Variants in SCP2 observed in about 807,000 individuals in gnomAD.
The protein encoded by SCP2 is sterol carrier protein 2, also known as SCP-2/3-oxoacyl-CoA thiolase.
Under a neutral mutation model 71.4 loss-of-function variants are expected in SCP2, and 48 were observed. The ratio of observed to expected loss-of-function variants is 0.67; its 90% CI spans 0.53 to 0.86. The LOEUF (loss-of-function observed/expected upper bound fraction) is 0.86. SCP2 is among the 40% of genes least tolerant of loss of function. The pLI is 0.00. For synonymous variants in SCP2, 220 were observed against 218.1 expected (o/e 1.01, Z -0.08); for missense variants, 560 against 655.6 (o/e 0.85, Z 1.59).
chr1:53,027,828 T>A, intron 12 of SCP2, 141 bp from the exon 13 acceptor site: 1 of 615,690 alleles, frequency 1.6e-6, no homozygotes, highest in Non-Finnish European at 3.0e-6. Flanking sequence ...TTTATATGCT[T>A]ACTAAAGATT....
At position 52,952,107 on chromosome 1, in the gene SCP2, T is replaced by G. The variant is rs79688530; in HGVS notation, c.331+1221T>G. ...TTTTTATCACCACAGAAAGAAACCC[T>G]GTACCCATTAGCATTCATTCTCTAT... On this transcript the variant is annotated intron_variant, in intron 4 of 15. Transcript: ENST00000371514. Among the ~76,000 whole-genome samples the G allele has an allele frequency of 1.1e-3, 169 of 152,234 alleles. 3 individuals are homozygous for G. In the East Asian group the frequency reaches 0.03, roughly 27 times the overall value.
At chr1:53,046,307 T>C (rs1010828611) in intron 14 of SCP2, among the ~76,000 whole-genome samples, 3 of 151,892 alleles carry the variant, frequency 2.0e-5, no homozygotes, top group African/African-American at 4.8e-5. Flanking sequence ...TTGTTTCCCA[T>C]CCTCACTAAC....
At chr1:52,953,056 C>CT (rs1655459146) in intron 4 of SCP2, among the ~76,000 whole-genome samples, 1 of 129,282 alleles carries the variant, frequency 7.7e-6, no homozygotes, top group African/African-American at 3.0e-5. Context: ...TGTGGCAATT[C>CT]TGTCTTTTTT....
intron 2 of SCP2, among the ~76,000 whole-genome samples, chr1:52,945,709 A>C (rs1244105887): frequency 6.6e-6 from 1 of 150,884 alleles, no homozygotes; most frequent in South Asian, 2.1e-4. Context: ...TCTCAAAAAA[A>C]AAATTGTTTG....
At chr1:52,957,159 C>T (rs891622389) in intron 5 of SCP2, among the ~76,000 whole-genome samples, 6 of 152,104 alleles carry the variant, frequency 3.9e-5, no homozygotes, top group African/African-American at 1.2e-4. Flanking sequence ...CTACCCACCT[C>T]GGCCTCCCAA....
intron 12 of SCP2, among the ~76,000 whole-genome samples, chr1:53,021,065 G>A (rs80146700): frequency 0.14 from 20,791 of 151,776 alleles, 2,023 homozygotes; most frequent in East Asian, 0.32. Flanking sequence ...GATTGCAGTG[G>A]TGTTATCTTG....
intron 12 of SCP2, among the ~76,000 whole-genome samples, chr1:53,027,573 C>T (rs772560547): frequency 6.6e-6 from 1 of 152,120 alleles, no homozygotes; most frequent in South Asian, 2.1e-4. Context: ...GGTGCCATCT[C>T]GGCTCACTGC....
chr1:52,983,524 T>A (rs1658709798), intron 10 of SCP2, among the ~76,000 whole-genome samples: 1 of 152,224 alleles, frequency 6.6e-6, no homozygotes. Flanking sequence ...TTCTCTCTGT[T>A]CTTCACATTT....
intron 5 of SCP2, among the ~76,000 whole-genome samples, chr1:52,960,822 G>A (rs1262471815): frequency 3.4e-5 from 5 of 148,948 alleles, no homozygotes; most frequent in African/African-American, 1.2e-4. Context: ...GTGTGATCTC[G>A]GCTCACTGCA....
intron 6 of SCP2, among the ~76,000 whole-genome samples, chr1:52,964,894 G>A (rs925953656): frequency 1.3e-5 from 2 of 151,988 alleles, no homozygotes; most frequent in Admixed American, 1.3e-4. Flanking sequence ...CACACCTGTA[G>A]TCCCAGCTAC....
chr1:53,029,082 CTGT>C (rs1353810283), intron 13 of SCP2, among the ~76,000 whole-genome samples: 1 of 151,864 alleles, frequency 6.6e-6, no homozygotes, highest in Non-Finnish European at 1.5e-5. Context: ...ACCACAACAC[CTGT>C]TGTTTTTTAT....
chr1:52,943,226 C>CTTT (rs1217932879), intron 2 of SCP2, among the ~76,000 whole-genome samples: 2 of 141,384 alleles, frequency 1.4e-5, no homozygotes, highest in Non-Finnish European at 3.1e-5. Context: ...ATGGTGGGTT[C>CTTT]TTTTTTTTTT....
At chr1:53,043,691 G>C (rs1023838078) in intron 14 of SCP2, among the ~76,000 whole-genome samples, 2 of 152,176 alleles carry the variant, frequency 1.3e-5, no homozygotes, top group African/African-American at 4.8e-5. Context: ...AATAAATGCT[G>C]ATATTATAGC....
At chr1:53,020,242 C>T (rs1661626237) in intron 12 of SCP2, among the ~76,000 whole-genome samples, 1 of 151,510 alleles carries the variant, frequency 6.6e-6, no homozygotes, top group East Asian at 1.9e-4. Flanking sequence ...TTTGATCACA[C>T]TACTGGCTTT....
At chr1:53,010,586 C>T (rs904425151) in intron 11 of SCP2, among the ~76,000 whole-genome samples, 118 of 152,212 alleles carry the variant, frequency 7.8e-4, no homozygotes, top group African/African-American at 2.6e-3. Flanking sequence ...AATGAGAACA[C>T]TTGGACACAT....
rs1031594688 is a variant in SCP2 at position 52,941,786 on chromosome 1, A to G, written c.70-10A>G. 4 of 1,571,782 alleles carry G rather than the reference A, an allele frequency of 2.5e-6. No homozygotes were observed. The highest frequency in any genetic ancestry group is 2.6e-6 in the Non-Finnish European group (3 of 1,141,782). On this transcript the variant is annotated splice_polypyrimidine_tract_variant and intron_variant, in intron 1 of 15. Coordinates refer to ENST00000371514, the MANE Select transcript of SCP2 (RefSeq NM_002979.5). ...TTGTTTGTATTTATTATCTCTTTCT[A>G]TATCTCTAGTTTGTGAAGCCTGGAG... is the stretch of plus-strand genomic sequence containing the variant.
chr1:53,014,804 T>C, intron 11 of SCP2, 86 bp from the exon 12 acceptor site: 1 of 1,483,830 alleles, frequency 6.7e-7, no homozygotes, highest in African/African-American at 1.4e-5. Context: ...CTTAATCAAA[T>C]GCTTTAATTT....
At chr1:52,968,267 T>C (rs1159912297) in intron 6 of SCP2, among the ~76,000 whole-genome samples, 3 of 152,102 alleles carry the variant, frequency 2.0e-5, no homozygotes, top group Non-Finnish European at 4.4e-5. Context: ...TTTGTGTGCA[T>C]TTATGGTTTC....
chr1:53,044,938 A>T (rs1486653629), intron 14 of SCP2, among the ~76,000 whole-genome samples: 5 of 152,262 alleles, frequency 3.3e-5, no homozygotes, highest in Admixed American at 3.3e-4. Context: ...ACTTGATTTT[A>T]AAAAATTAGA....
Sources: gnomAD v4.1 joint callset for allele counts (sites outside exome capture counted in the v4.1 genomes callset) on GRCh38, gnomAD v4.1.1 for gene constraint, MANE v1.5 for transcripts, NCBI Gene and HGNC (gene_info 2026-07-23, HGNC 2026-07-21) for gene names.